The following IQCK variants were observed in gnomAD, a reference collection of about 807,000 sequenced individuals.
IQCK encodes the protein IQ domain-containing protein K.
In IQCK, 29 loss-of-function variants were observed where a neutral mutation model predicts 28.1. The ratio of observed to expected loss-of-function variants is 1.03; its 90% CI spans 0.77 to 1.41. The LOEUF (loss-of-function observed/expected upper bound fraction) is 1.41, where lower values mean the gene tolerates loss of function less well. Among genes scored for constraint, IQCK ranks in the 40% most tolerant of loss-of-function variants. The pLI, the probability that IQCK is intolerant of heterozygous loss-of-function variation, is 0.00. For missense variants in IQCK, 359 were observed against 314.7 expected, an observed-to-expected ratio of 1.14 and a Z score of -1.07; for synonymous variants, 113 against 115.1, an observed-to-expected ratio of 0.98 and a Z score of 0.12.
downstream of IQCK, among the ~76,000 whole-genome samples, chr16:19,828,236 T>C (rs1167491611): frequency 6.1e-4 from 87 of 141,738 alleles, no homozygotes; most frequent in East Asian, 1.7e-3. Context: ...CTTTTCTTTT[T>C]TTTTTTTTTT....
chr16:19,850,681 A>G (rs140711951), intron 9 of IQCK, among the ~76,000 whole-genome samples: 2 of 152,180 alleles, frequency 1.3e-5, no homozygotes, highest in Non-Finnish European at 2.9e-5. Flanking sequence ...CTCACCTTCT[A>G]TACTGTGACC....
downstream of IQCK, among the ~76,000 whole-genome samples, chr16:19,827,580 A>T (rs2056165710): frequency 6.6e-6 from 1 of 152,188 alleles, no homozygotes; most frequent in Non-Finnish European, 1.5e-5. Context: ...AGATGCCCAG[A>T]TTAAACATTA....
chr16:19,814,762 G>A (rs188498422), intron 7 of IQCK, among the ~76,000 whole-genome samples: 31 of 146,312 alleles, frequency 2.1e-4, no homozygotes, highest in East Asian at 5.9e-4. Context: ...ACAAAAGGCC[G>A]AAAACATTAG....
chr16:19,777,423 ACAG>A (rs2055410420), intron 6 of IQCK, among the ~76,000 whole-genome samples: 1 of 152,194 alleles, frequency 6.6e-6, no homozygotes, highest in Admixed American at 6.5e-5. Flanking sequence ...AAATGGTGGC[ACAG>A]CAGAAAATTT....
chr16:19,729,788 G>A (rs1469189832), intron 1 of IQCK, among the ~76,000 whole-genome samples: 2 of 151,210 alleles, frequency 1.3e-5, no homozygotes, highest in Admixed American at 6.6e-5. Flanking sequence ...GGGACTACAG[G>A]CACCCACCAC....
At chr16:19,848,282 T>C (rs1265290872) in intron 9 of IQCK, among the ~76,000 whole-genome samples, 5 of 152,200 alleles carry the variant, frequency 3.3e-5, no homozygotes, top group Admixed American at 2.0e-4. Context: ...TATCAGCCAT[T>C]GGGACCGTAT....
intron 4 of IQCK, among the ~76,000 whole-genome samples, chr16:19,763,224 ATAAG>A (rs2055175767): frequency 1.3e-5 from 2 of 152,224 alleles, no homozygotes; most frequent in African/African-American, 4.8e-5. Context: ...CTATAGTCTT[ATAAG>A]TAAGGTAGCA....
chr16:19,752,867 T>C (rs2055005221), intron 4 of IQCK, among the ~76,000 whole-genome samples: 1 of 152,108 alleles, frequency 6.6e-6, no homozygotes, highest in African/African-American at 2.4e-5. Flanking sequence ...CCCGGACCTT[T>C]TAAAAAATGT....
chr16:19,826,972 C>A, intron 7 of IQCK, 54 bp from the exon 8 acceptor site: 1 of 1,094,444 alleles, frequency 9.1e-7, no homozygotes, highest in Non-Finnish European at 1.4e-6. Context: ...GGTTAATAAG[C>A]TAGTGTACAG....
chr16:19,752,090 T>G (rs1448157721), intron 4 of IQCK, among the ~76,000 whole-genome samples: 1 of 150,568 alleles, frequency 6.6e-6, no homozygotes, highest in East Asian at 1.9e-4. Flanking sequence ...CTGGAACAAA[T>G]TAAGTCTGAG....
chr16:19,760,952 T>TG (rs2055130084), intron 4 of IQCK, among the ~76,000 whole-genome samples: 1 of 152,184 alleles, frequency 6.6e-6, no homozygotes, highest in Non-Finnish European at 1.5e-5. Flanking sequence ...TGCCATGGCA[T>TG]TTGTAAACTG....
intron 9 of IQCK, among the ~76,000 whole-genome samples, chr16:19,851,736 T>C (rs899530476): frequency 6.6e-6 from 1 of 152,200 alleles, no homozygotes; most frequent in African/African-American, 2.4e-5. Context: ...AAGGACAGCA[T>C]AGGGGTGCCG....
intron 7 of IQCK, among the ~76,000 whole-genome samples, chr16:19,804,025 T>C (rs1226166378): frequency 6.6e-6 from 1 of 152,108 alleles, no homozygotes; most frequent in African/African-American, 2.4e-5. Flanking sequence ...TGGAGGTGAT[T>C]ATATATCAGT....
intron 7 of IQCK, among the ~76,000 whole-genome samples, chr16:19,815,425 A>G (rs1224681653): frequency 6.6e-6 from 1 of 152,194 alleles, no homozygotes. Context: ...TGGAAGTGAG[A>G]TGACTGCTTG....
intron 1 of IQCK, among the ~76,000 whole-genome samples, chr16:19,727,912 C>T (rs567832704): frequency 6.6e-6 from 1 of 152,182 alleles, no homozygotes; most frequent in South Asian, 2.1e-4. Context: ...AGATAGCCCC[C>T]AAGATTCTTG....
At chr16:19,858,442 G>C in exon 10 of IQCK, 1 of 658,170 alleles carries the variant, frequency 1.5e-6, no homozygotes, top group Non-Finnish European at 2.8e-6. Context: ...TTATATGCTT[G>C]GACAATAAAG....
downstream of IQCK, among the ~76,000 whole-genome samples, chr16:19,829,105 C>T (rs1245873981): frequency 6.7e-6 from 1 of 150,032 alleles, no homozygotes; most frequent in Non-Finnish European, 1.5e-5. Flanking sequence ...GGGGTGGAAC[C>T]ACACTGTTGG....
chr16:19,785,079 A>G (rs1479603671), intron 6 of IQCK, among the ~76,000 whole-genome samples: 2 of 152,174 alleles, frequency 1.3e-5, no homozygotes, highest in African/African-American at 4.8e-5. Context: ...CCTCAATAAC[A>G]TTTGAATGGA....
At chr16:19,807,668 G>T (rs1467418437) in intron 7 of IQCK, among the ~76,000 whole-genome samples, 5 of 152,176 alleles carry the variant, frequency 3.3e-5, no homozygotes, top group African/African-American at 1.2e-4. Flanking sequence ...CTAGTAGGGT[G>T]CCATGATCTG....
Sources: allele counts gnomAD v4.1 joint callset (sites outside exome capture counted in the v4.1 genomes callset), GRCh38; gene constraint gnomAD v4.1.1; transcripts MANE v1.5; gene names NCBI Gene and HGNC (gene_info 2026-07-23, HGNC 2026-07-21).